ARL15: variants seen among roughly 807,000 people sequenced by gnomAD.
ARL15 encodes ADP-ribosylation factor-like protein 15.
In ARL15, 19 loss-of-function variants were observed where a neutral mutation model predicts 25.2. The ratio of observed to expected loss-of-function variants is 0.75; its 90% confidence interval spans 0.53 to 1.10. ARL15 has a LOEUF of 1.10. Among genes scored for constraint, ARL15 ranks in the 50% least tolerant of loss-of-function variants. The pLI is 0.00. For missense variants in ARL15, 220 were observed against 246.0 expected (o/e 0.89, Z 0.71); for synonymous variants, 94 against 86.8 (o/e 1.08, Z -0.46).
In ARL15 at chr5:54,001,826, C is replaced by G. The variant is rs187275040; in HGVS notation, c.462+111376G>C. 2.6e-5 allele frequency among the ~76,000 whole-genome samples: 4 copies of G among 152,272 alleles called. No individual in the cohort carries two copies. The East Asian group carries it at 5.8e-4, about 22-fold the overall frequency. ...ATGTAGCTACTGGCCTCTGGCAATC[C>G]AAAGGAAAATAACTGAGGTCAAGTT... On this transcript the variant is annotated intron_variant, in intron 4 of 4. Transcript: ENST00000504924.
chr5:54,142,893 G>A (rs1414360185), intron 3 of ARL15, among the ~76,000 whole-genome samples: 1 of 152,112 alleles, frequency 6.6e-6, no homozygotes, highest in African/African-American at 2.4e-5. Flanking sequence ...ATTGTTTTAG[G>A]TTTTAAATTT....
intron 3 of ARL15, among the ~76,000 whole-genome samples, chr5:54,118,201 A>G (rs1335490207): frequency 1.3e-5 from 2 of 152,204 alleles, no homozygotes; most frequent in Non-Finnish European, 2.9e-5. Flanking sequence ...GTATAGTATC[A>G]AAGAAGACAA....
intron 2 of ARL15, among the ~76,000 whole-genome samples, chr5:54,160,861 G>GTAGA (rs1754382730): frequency 6.6e-6 from 1 of 152,200 alleles, no homozygotes; most frequent in East Asian, 1.9e-4. Context: ...AACTCTGAAG[G>GTAGA]TAGATTCTCT....
chr5:54,237,510 C>T (rs1044899450), intron 1 of ARL15, among the ~76,000 whole-genome samples: 4 of 151,816 alleles, frequency 2.6e-5, no homozygotes, highest in Non-Finnish European at 5.9e-5. Context: ...AATATAGACA[C>T]CAAAAAGGGG....
At chr5:53,918,959 C>T (rs1745756439) in intron 4 of ARL15, among the ~76,000 whole-genome samples, 1 of 152,150 alleles carries the variant, frequency 6.6e-6, no homozygotes, top group South Asian at 2.1e-4. Context: ...TTCTGGATTT[C>T]TACTGGGCTT....
At chr5:54,239,401 A>G (rs964633097) in intron 1 of ARL15, among the ~76,000 whole-genome samples, 10 of 152,198 alleles carry the variant, frequency 6.6e-5, no homozygotes, top group South Asian at 2.1e-4. Flanking sequence ...CTAAGATGAT[A>G]CACTTAAGAC....
chr5:54,014,607 A>G (rs977476379), intron 4 of ARL15, among the ~76,000 whole-genome samples: 2 of 150,578 alleles, frequency 1.3e-5, no homozygotes, highest in African/African-American at 4.9e-5. Flanking sequence ...TGCAATCTCC[A>G]TCTCCTGGGT....
intron 4 of ARL15, among the ~76,000 whole-genome samples, chr5:54,106,162 G>A (rs1228751232): frequency 1.3e-5 from 2 of 152,084 alleles, no homozygotes; most frequent in African/African-American, 2.4e-5. Context: ...TTGTAAATAC[G>A]ATAATTAACA....
intron 4 of ARL15, among the ~76,000 whole-genome samples, chr5:53,991,440 G>A (rs1356001437): frequency 7.2e-6 from 1 of 139,454 alleles, no homozygotes; most frequent in East Asian, 2.4e-4. Context: ...TACTCAGGAG[G>A]CTAAGATAGG....
intron 4 of ARL15, among the ~76,000 whole-genome samples, chr5:53,944,677 T>A (rs1580105039): frequency 6.6e-6 from 1 of 152,172 alleles, no homozygotes; most frequent in Non-Finnish European, 1.5e-5. Context: ...CTATTTTCTA[T>A]CCTACTACCT....
At position 53,886,383 on chromosome 5, in the gene ARL15, CGAT is replaced by C. The variant is rs1744526188; in HGVS notation, c.*175_*177del. 1 of 644,780 alleles carries C rather than the reference CGAT, an allele frequency of 1.6e-6. No homozygotes were observed. The highest frequency in any genetic ancestry group is 2.9e-5 in the East Asian group (1 of 34,892). The allele number at this position is 644,780 out of a possible 1,614,324, so 39.9% of individuals were successfully genotyped here. A position where few individuals can be genotyped will look rare whatever the true frequency, so the allele number is the denominator to read the frequency against. On this transcript the variant is annotated 3_prime_UTR_variant, in exon 5 of 5. Coordinates refer to ENST00000504924, the MANE Select transcript of ARL15 (RefSeq NM_019087.3). ...AGTAGTGTGTACTTGACGTTAATGC[CGAT>C]GATAATTCATCTGATCTACAGAATA...
At chr5:54,152,942 T>C (rs773075553) in intron 3 of ARL15, among the ~76,000 whole-genome samples, 2 of 152,240 alleles carry the variant, frequency 1.3e-5, no homozygotes, top group Non-Finnish European at 2.9e-5. Flanking sequence ...GTGTTCACTT[T>C]TTTTAAAACT....
chr5:54,091,255 C>T (rs1752119382), intron 4 of ARL15, among the ~76,000 whole-genome samples: 1 of 150,586 alleles, frequency 6.6e-6, no homozygotes. Context: ...ACTCCCAAGA[C>T]CAGCCAAACA....
chr5:54,208,703 G>T (rs559969517), intron 1 of ARL15, among the ~76,000 whole-genome samples: 8 of 152,008 alleles, frequency 5.3e-5, no homozygotes, highest in African/African-American at 1.9e-4. Flanking sequence ...CAAAAAAACC[G>T]ACTTCCCATG....
intron 1 of ARL15, among the ~76,000 whole-genome samples, chr5:54,259,465 C>A (rs752803696): frequency 2.6e-5 from 4 of 152,050 alleles, no homozygotes; most frequent in Non-Finnish European, 4.4e-5. Flanking sequence ...CTTATTTATC[C>A]CACACATCTT....
In ARL15 at chr5:54,152,086, T is replaced by C. The variant is rs75282526; in HGVS notation, c.253+2494A>G. On this transcript the variant is annotated intron_variant, in intron 3 of 4. Transcript: ENST00000504924. ...CTCCCCTGAATTCAGAATTTTTCTC[T>C]GATTGACAATGTGATTGAACTCTGA... Among the ~76,000 whole-genome samples the C allele has an allele frequency of 3.6e-3, 544 of 152,238 alleles. 2 individuals carry two copies. The highest frequency in any genetic ancestry group is 0.013 in the African/African-American group (520 of 41,514).
intron 2 of ARL15, among the ~76,000 whole-genome samples, chr5:54,159,321 T>C (rs277325): frequency 0.21 from 31,721 of 151,938 alleles, 4,000 homozygotes; most frequent in East Asian, 0.68. Context: ...GTAACTACTC[T>C]CTTGCTTCTT....
chr5:54,089,747 G>T lies in ARL15; in HGVS notation c.462+23455C>A, dbSNP rs553211306. 2.0e-5 allele frequency among the ~76,000 whole-genome samples: 3 copies of T among 152,168 alleles called. No individual in the cohort carries two copies. The South Asian group carries it at 6.2e-4, about 32-fold the overall frequency. Reference sequence around the variant, plus strand: ...AAGTAATCAAAATAAGACATGAAAAGGATGAAAGAAATTTTCATCTGCTAA... The same window carrying T: ...AAGTAATCAAAATAAGACATGAAAATGATGAAAGAAATTTTCATCTGCTAA... On this transcript the variant is annotated intron_variant, in intron 4 of 4. Transcript: ENST00000504924.
intron 1 of ARL15, among the ~76,000 whole-genome samples, chr5:54,183,692 C>T (rs1016541923): frequency 1.4e-4 from 21 of 149,468 alleles, no homozygotes; most frequent in African/African-American, 4.4e-4. Context: ...GTCAGTGTGG[C>T]GATACCTCAG....
Sources: allele counts gnomAD v4.1 joint callset (sites outside exome capture counted in the v4.1 genomes callset), GRCh38; gene constraint gnomAD v4.1.1; transcripts MANE v1.5; gene names NCBI Gene and HGNC (gene_info 2026-07-23, HGNC 2026-07-21).